The following NPIPB5 variants were observed in gnomAD, a reference collection of about 807,000 sequenced individuals.
The protein encoded by NPIPB5 is nuclear pore complex-interacting protein family member B5.
For missense variants in NPIPB5, 10 were observed against 414.7 expected (o/e 0.02, Z 8.48); for synonymous variants, 1 against 168.2 (o/e 0.01, Z 7.69).
chr16:22,510,714 G>T (rs2049776690), upstream of NPIPB5, among the ~76,000 whole-genome samples: 1 of 85,582 alleles, frequency 1.2e-5, no homozygotes, highest in Non-Finnish European at 1.9e-5. Flanking sequence ...GTGGATGATG[G>T]AAACAATAGT....
chr16:22,528,858 C>CATGCCCGGATAATTTTTGT (rs2049845895), intron 4 of NPIPB5, among the ~76,000 whole-genome samples: 1 of 148,622 alleles, frequency 6.7e-6, no homozygotes, highest in Admixed American at 6.9e-5. Context: ...CATATGCCAC[C>CATGCCCGGATAATTTTTGT]ATGCCCGGAT....
chr16:22,518,176 G>C (rs1338548348), intron 1 of NPIPB5, among the ~76,000 whole-genome samples: 8 of 43,792 alleles, frequency 1.8e-4, no homozygotes, highest in Non-Finnish European at 3.9e-4. Flanking sequence ...GCCTCCCAAA[G>C]TGCTGGGATT....
upstream of NPIPB5, among the ~76,000 whole-genome samples, chr16:22,510,771 T>A (rs1280698608): frequency 4.3e-5 from 4 of 93,894 alleles, 2 homozygotes; most frequent in African/African-American, 2.2e-4. Flanking sequence ...GGAAATTTAC[T>A]TATGTGCAGC....
chr16:22,517,648 G>C (rs1198197503), intron 1 of NPIPB5, among the ~76,000 whole-genome samples: 1 of 11,470 alleles, frequency 8.7e-5, no homozygotes, highest in African/African-American at 3.2e-4. Flanking sequence ...CCAAGGGATT[G>C]TCCTGCCTCA....
rs2049823420 is a variant in NPIPB5 at position 22,528,163 on chromosome 16, A to AT, written c.545+196dup. ...TTTCCCTTCCTACATTCTTGTTTTC[A>AT]TTTTTTCGGAGGAAGAGGAGTTGCT... On this transcript the variant is annotated intron_variant, in intron 4 of 6. Transcript: ENST00000424340. 4 of 102,400 alleles carry AT rather than the reference A, an allele frequency of 3.9e-5. No individual in the cohort carries two copies. The South Asian group carries it at 5.5e-4, about 14-fold the overall frequency. The allele number at this position is 102,400 out of a possible 1,614,324, so 6.3% of individuals were successfully genotyped here.
intron 4 of NPIPB5, among the ~76,000 whole-genome samples, chr16:22,528,488 G>T (rs1284007247): frequency 5.1e-5 from 5 of 98,334 alleles, no homozygotes; most frequent in East Asian, 3.0e-4. Flanking sequence ...AAAGTGCTGG[G>T]ATTAGAGGCG....
chr16:22,528,721 T>TTTTTTTTTTG (rs1179934916), intron 4 of NPIPB5, among the ~76,000 whole-genome samples: 3 of 108,776 alleles, frequency 2.8e-5, no homozygotes, highest in Admixed American at 1.2e-4. Flanking sequence ...TTTTTTTTTT[T>TTTTTTTTTTG]GAGACAGAGT....
At chr16:22,510,882 T>C, upstream of NPIPB5, among the ~76,000 whole-genome samples, 1 of 34,974 alleles carries the variant, frequency 2.9e-5, no homozygotes, top group Non-Finnish European at 4.2e-5. Context: ...ACTTTTTTTT[T>C]TTTTTTTGGA....
intron 4 of NPIPB5, among the ~76,000 whole-genome samples, chr16:22,528,517 CTTTTTTTTTTTTT>C (rs1194681081): frequency 1.1e-4 from 8 of 72,276 alleles, no homozygotes; most frequent in Admixed American, 1.0e-3. Context: ...CACAGCCAGC[CTTTTTTTTTTTTT>C]TTTTTTTTTT....
intron 4 of NPIPB5, among the ~76,000 whole-genome samples, chr16:22,528,690 CAA>C (rs2049838873): frequency 3.7e-5 from 2 of 54,182 alleles, no homozygotes; most frequent in African/African-American, 1.4e-4. Flanking sequence ...CACATTTGAC[CAA>C]TTTTTTTTTT....
At chr16:22,529,752 A>C in intron 4 of NPIPB5, among the ~76,000 whole-genome samples, 1 of 11,812 alleles carries the variant, frequency 8.5e-5, no homozygotes, top group East Asian at 1.2e-3. Flanking sequence ...GGAGATCAGA[A>C]GCTTCAGATG....
intron 1 of NPIPB5, among the ~76,000 whole-genome samples, chr16:22,514,886 A>G (rs1261155660): frequency 2.3e-5 from 1 of 43,732 alleles, no homozygotes; most frequent in Admixed American, 2.8e-4. Context: ...ACACACACAC[A>G]CACACACACA....
Position 22,528,692 on chromosome 16 carries a change from A to ATTTTTTTTTTTTTTTTT in NPIPB5, c.545+732_545+748dup, listed in dbSNP as rs1175345253. On this transcript the variant is annotated intron_variant, in intron 4 of 6. Transcript: ENST00000424340. Reference sequence around the variant, plus strand: ...AGGTGTGTGCCACCACATTTGACCAATTTTTTTTTTTTTTTTTTTTTTTTT... The same window carrying ATTTTTTTTTTTTTTTTT: ...AGGTGTGTGCCACCACATTTGACCAATTTTTTTTTTTTTTTTTTTTTTTTTTTTTTTTTTTTTTTTTT... Among the ~76,000 whole-genome samples, 12 of 49,202 alleles carry ATTTTTTTTTTTTTTTTT rather than the reference A, an allele frequency of 2.4e-4. 2 individuals carry two copies. The highest frequency in any genetic ancestry group is 3.9e-4 in the African/African-American group (4 of 10,218). The allele number at this position is 49,202 out of a possible 152,430, so 32.3% of individuals were successfully genotyped here.
chr16:22,517,729 C>T (rs1245968925), intron 1 of NPIPB5, among the ~76,000 whole-genome samples: 16 of 28,970 alleles, frequency 5.5e-4, no homozygotes, highest in South Asian at 4.7e-3. Context: ...TTAGTAGAGA[C>T]GGGGTTTCAC....
intron 1 of NPIPB5, among the ~76,000 whole-genome samples, chr16:22,517,958 T>C (rs1410354109): frequency 3.0e-5 from 4 of 135,416 alleles, no homozygotes; most frequent in African/African-American, 8.1e-5. Context: ...CTCTGTCGCC[T>C]AGGCTGGAGT....
chr16:22,518,251 TTTTC>T (rs1194547668), intron 1 of NPIPB5, among the ~76,000 whole-genome samples: 2 of 23,938 alleles, frequency 8.4e-5, no homozygotes, highest in African/African-American at 2.9e-4. Context: ...TTAGGGTTGT[TTTTC>T]TATTTATGGT....
rs776660903 is a variant in NPIPB5, at chr16:22,514,835, T to TACACACACACACAC, written c.120+966_120+979dup. ...CTTTTATTTTTGAGATTTATATAGA[T>TACACACACACACAC]ACACACACACACACACACACACACA... On this transcript the variant is annotated intron_variant, in intron 1 of 6. Transcript: ENST00000424340. 3.2e-4 allele frequency among the ~76,000 whole-genome samples: 7 copies of TACACACACACACAC among 21,938 alleles called. 1 individual carries two copies. The highest frequency in any genetic ancestry group is 1.5e-3 in the East Asian group (1 of 666). The allele number at this position is 21,938 out of a possible 152,430, so 14.4% of individuals were successfully genotyped here. A position where few individuals can be genotyped will look rare whatever the true frequency, so the allele number is the denominator to read the frequency against.
intron 3 of NPIPB5, 36 bp from the exon 4 acceptor site, chr16:22,527,742 G>A: frequency 2.6e-5 from 1 of 37,768 alleles, no homozygotes; most frequent in South Asian, 1.5e-4. Flanking sequence ...CTTGCCCTCA[G>A]GTTTCTCACC....
chr16:22,528,521 T>A (rs1213480963), intron 4 of NPIPB5, among the ~76,000 whole-genome samples: 1 of 87,264 alleles, frequency 1.1e-5, no homozygotes, highest in Non-Finnish European at 2.3e-5. Context: ...GCCAGCCTTT[T>A]TTTTTTTTTT....
Sources: gnomAD v4.1 joint callset for allele counts (sites outside exome capture counted in the v4.1 genomes callset) on GRCh38, gnomAD v4.1.1 for gene constraint, MANE v1.5 for transcripts, NCBI Gene and HGNC (gene_info 2026-07-23, HGNC 2026-07-21) for gene names.